PRPF38A: variants seen among roughly 807,000 people sequenced by gnomAD.
PRPF38A encodes pre-mRNA processing factor 38A.
In PRPF38A, 11 loss-of-function variants were observed where a neutral mutation model predicts 46.8. The ratio of observed to expected loss-of-function variants is 0.24; its 90% CI spans 0.15 to 0.39. The LOEUF (loss-of-function observed/expected upper bound fraction) is 0.39, where lower values mean the gene tolerates loss of function less well. PRPF38A is among the 10% of genes least tolerant of loss of function. The probability of loss-of-function intolerance (pLI) is 1.00; values close to 1 mark genes in which losing one functional copy is unlikely to be tolerated. For missense variants in PRPF38A, 261 were observed against 407.5 expected (o/e 0.64, Z 3.10); for synonymous variants, 124 against 136.2 (o/e 0.91, Z 0.62).
rs1488125651 is a variant in PRPF38A, at chr1:52,420,553, T to C, written c.*3863T>C. On this transcript the variant is annotated 3_prime_UTR_variant, in exon 10 of 10. Transcript: ENST00000257181. Reference sequence around the variant, plus strand: ...AGAAATCTTACAAGACTAGATTCTCTTGTGGGGAAAAAAGTATTTAAATTG... The same window carrying C: ...AGAAATCTTACAAGACTAGATTCTCCTGTGGGGAAAAAAGTATTTAAATTG... The C allele has an allele frequency of 6.6e-6, 1 of 152,096 alleles. No homozygotes were observed. Among genetic ancestry groups the C allele is most frequent in the African/African-American group, 2.4e-5 (1 of 41,342 alleles). 9.4% of individuals were successfully genotyped at this position (152,096 alleles called of 1,614,324 possible). A position where few individuals can be genotyped will look rare whatever the true frequency, so the allele number is the denominator to read the frequency against.
rs1365268899 is a variant in PRPF38A at position 52,420,418 on chromosome 1, G to C, written c.*3728G>C. On this transcript the variant is annotated 3_prime_UTR_variant, in exon 10 of 10. Transcript: ENST00000257181. Reference sequence around the variant, plus strand: ...TAGAAATAACAAGTAGAGTGTGCTGGTTTCATCTTTCATAGCAGGAATCAC... The same window carrying C: ...TAGAAATAACAAGTAGAGTGTGCTGCTTTCATCTTTCATAGCAGGAATCAC... 1 of 152,006 alleles carries C rather than the reference G, an allele frequency of 6.6e-6. No homozygotes were observed. The allele number at this position is 152,006 out of a possible 1,614,324, so 9.4% of individuals were successfully genotyped here. A position where few individuals can be genotyped will look rare whatever the true frequency, so the allele number is the denominator to read the frequency against.
At chr1:52,414,473 T>C in intron 6 of PRPF38A, 148 bp from the exon 7 acceptor site, 1 of 765,504 alleles carries the variant, frequency 1.3e-6, no homozygotes, top group Non-Finnish European at 2.2e-6. Context: ...AAAGTTAGAA[T>C]GGGAGGGTGC....
intron 3 of PRPF38A, 120 bp downstream of exon 3, chr1:52,408,810 G>T: frequency 7.9e-7 from 1 of 1,265,506 alleles, no homozygotes; most frequent in Non-Finnish European, 1.1e-6. Context: ...CATTGTTACT[G>T]TCTCTATGCA....
intron 5 of PRPF38A, 106 bp from the exon 6 acceptor site, chr1:52,413,773 A>T: frequency 1.4e-6 from 1 of 717,862 alleles, no homozygotes; most frequent in South Asian, 1.7e-5. Flanking sequence ...TTAAAGTCAC[A>T]TGGAGATGGA....
Position 52,408,668 on chromosome 1 carries a change from C to G in PRPF38A, c.390C>G (p.Ile130Met). The change falls in exon 3 of 10, where the codon ATC becomes ATG. Residue 130 changes from isoleucine to methionine, a missense_variant. By Grantham distance (10) the Ile-to-Met change is conservative. Around this residue, in one of 2 missense-constraint regions of PRPF38A, gnomAD observed 81 missense variants for 186.5 expected, o/e 0.43. Coordinates refer to ENST00000257181, the MANE Select transcript of PRPF38A (RefSeq NM_032864.4). ...LEPLYNDYRK[I>M]KSQNRNGEFE... ...CTTTGTACAATGACTATCGAAAAAT[C>G]AAGAGCCAGAACCGAAATGGGGGTA... is the stretch of plus-strand genomic sequence containing the variant. 6.2e-7 allele frequency: 1 copy of G among 1,614,160 alleles called. No homozygotes were observed.
Position 52,412,553 on chromosome 1 carries a change from C to G in PRPF38A, c.538C>G (p.Arg180Gly). The change falls in exon 5 of 10, where the codon CGA becomes GGA. Residue 180 changes from arginine (R) to glycine (G), a missense_variant. Coordinates refer to ENST00000257181, the MANE Select transcript of PRPF38A (RefSeq NM_032864.4). ...VLEEAEQLEP[R>G]VSALEEDMDD... is the part of the protein sequence containing the mutation. ...AGAGGAAGCTGAGCAACTGGAGCCTCGAGTTAGTGCTCTGGAAGAGGACAT... is the reference window on the plus strand; with the variant it reads ...AGAGGAAGCTGAGCAACTGGAGCCTGGAGTTAGTGCTCTGGAAGAGGACAT... 1 of 1,613,596 alleles carries G rather than the reference C, an allele frequency of 6.2e-7. No homozygotes were observed. The highest frequency in any genetic ancestry group is 1.1e-5 in the South Asian group (1 of 91,066).
rs1320587884 is a variant in PRPF38A, at chr1:52,420,728, A to G, written c.*4038A>G. On this transcript the variant is annotated 3_prime_UTR_variant, in exon 10 of 10. Transcript: ENST00000257181. Reference sequence around the variant, plus strand: ...TTGGAATGAATGAAGTTCACCAGATAGTACTTCTTTCTGGCTGATGAACTT... The same window carrying G: ...TTGGAATGAATGAAGTTCACCAGATGGTACTTCTTTCTGGCTGATGAACTT... 6.6e-6 allele frequency: 1 copy of G among 152,226 alleles called. No homozygotes were observed. Among genetic ancestry groups the G allele is most frequent in the African/African-American group, 2.4e-5 (1 of 41,472 alleles). 9.4% of individuals were successfully genotyped at this position (152,226 alleles called of 1,614,324 possible).
rs1648368229 is a variant in PRPF38A, at chr1:52,418,984, T to TA, written c.*2298dup. The TA allele has an allele frequency of 6.6e-6, 1 of 152,188 alleles. No homozygotes were observed. The highest frequency in any genetic ancestry group is 2.4e-5 in the African/African-American group (1 of 41,452). 9.4% of individuals were successfully genotyped at this position (152,188 alleles called of 1,614,324 possible). On this transcript the variant is annotated 3_prime_UTR_variant, in exon 10 of 10. Transcript: ENST00000257181. ...TCCAATAATTTGAAATACACTGACT[T>TA]AAAAGCTTTGCCATAGGGCACAATC... is the stretch of plus-strand genomic sequence containing the variant.
chr1:52,415,037 G>T (rs188464255), intron 8 of PRPF38A, among the ~76,000 whole-genome samples, 178 bp downstream of exon 8: 3 of 152,276 alleles, frequency 2.0e-5, no homozygotes, highest in African/African-American at 7.2e-5. Context: ...TGCTGATAAG[G>T]TTTGCTTTAG....
intron 3 of PRPF38A, 191 bp downstream of exon 3, chr1:52,408,881 C>A (rs1002917414): frequency 1.8e-6 from 1 of 550,418 alleles, no homozygotes; most frequent in South Asian, 2.6e-5. Context: ...GTTGGCCTTA[C>A]CCAGCCTGCC....
chr1:52,419,000 G>A lies in PRPF38A; in HGVS notation c.*2310G>A, dbSNP rs1158873521. 1 of 152,216 alleles carries A rather than the reference G, an allele frequency of 6.6e-6. No individual in the cohort carries two copies. The highest frequency in any genetic ancestry group is 1.5e-5 in the Non-Finnish European group (1 of 68,034). 9.4% of individuals were successfully genotyped at this position (152,216 alleles called of 1,614,324 possible). A position where few individuals can be genotyped will look rare whatever the true frequency, so the allele number is the denominator to read the frequency against. ...ACACTGACTTAAAAGCTTTGCCATA[G>A]GGCACAATCGCCTTTTAATACTAAG... On this transcript the variant is annotated 3_prime_UTR_variant, in exon 10 of 10. Coordinates refer to ENST00000257181, the MANE Select transcript of PRPF38A (RefSeq NM_032864.4).
At position 52,414,826 on chromosome 1, in the gene PRPF38A, G is replaced by A. The variant is rs781288984; in HGVS notation, c.814G>A (p.Asp272Asn). Residue 272 changes from aspartate to asparagine, a missense_variant, in exon 8 of 10, where the codon GAT becomes AAT. This residue lies in a region of PRPF38A where 180 missense variants were observed against 221.0 expected (regional missense o/e 0.81). Coordinates refer to ENST00000257181, the MANE Select transcript of PRPF38A (RefSeq NM_032864.4). The part of the protein sequence containing the change: ...SPRRHRSRSR[D>N]RRHRSRSKSP... ...AAGACGTCACCGCAGCAGGTCCCGA[G>A]ATCGGCGGCACAGATCCCGTTCCAA... The A allele has an allele frequency of 6.2e-7, 1 of 1,614,084 alleles. No individual in the cohort carries two copies. The highest frequency in any genetic ancestry group is 1.3e-5 in the African/African-American group (1 of 74,934).
At chr1:52,406,401 G>T (rs1168675032) in intron 2 of PRPF38A, among the ~76,000 whole-genome samples, 1 of 152,144 alleles carries the variant, frequency 6.6e-6, no homozygotes, top group Admixed American at 6.5e-5. Context: ...TACATATTAA[G>T]CAAAAGTGAG....
At chr1:52,405,022 C>A in intron 1 of PRPF38A, 143 bp downstream of exon 1, 1 of 851,744 alleles carries the variant, frequency 1.2e-6, no homozygotes, top group Non-Finnish European at 1.9e-6. Flanking sequence ...TGAGTGCCTG[C>A]TAAGTGCCTC....
chr1:52,413,772 C>A, intron 5 of PRPF38A, 107 bp from the exon 6 acceptor site: 1 of 714,958 alleles, frequency 1.4e-6, no homozygotes, highest in East Asian at 2.6e-5. Flanking sequence ...TTTAAAGTCA[C>A]ATGGAGATGG....
At chr1:52,406,441 T>TGG (rs1648000254) in intron 2 of PRPF38A, among the ~76,000 whole-genome samples, 1 of 152,214 alleles carries the variant, frequency 6.6e-6, no homozygotes, top group Non-Finnish European at 1.5e-5. Context: ...CACTGGACGC[T>TGG]CAGGGGTGAA....
At position 52,413,874 on chromosome 1, in the gene PRPF38A, T is replaced by C; in HGVS notation, c.610-5T>C. The C allele has an allele frequency of 6.3e-7, 1 of 1,598,964 alleles. No individual in the cohort carries two copies. Among genetic ancestry groups the C allele is most frequent in the Non-Finnish European group, 8.6e-7 (1 of 1,166,372 alleles). On this transcript the variant is annotated splice_region_variant and splice_polypyrimidine_tract_variant and intron_variant, in intron 5 of 9. Coordinates refer to ENST00000257181, the MANE Select transcript of PRPF38A (RefSeq NM_032864.4). ...CTTTCAATGACCCAATCATCTTGTT[T>C]CCAGTTGGAAAGAGTGCCATCACCT... is the stretch of plus-strand genomic sequence containing the variant.
chr1:52,413,830 G>A, intron 5 of PRPF38A, 49 bp from the exon 6 acceptor site: 1 of 1,212,168 alleles, frequency 8.2e-7, no homozygotes, highest in Non-Finnish European at 1.2e-6. Context: ...TTCCTAGATG[G>A]CTCTTTATAA....
chr1:52,407,547 A>G (rs1026017873), intron 2 of PRPF38A, among the ~76,000 whole-genome samples: 1 of 152,232 alleles, frequency 6.6e-6, no homozygotes, highest in Non-Finnish European at 1.5e-5. Context: ...CAGATGACTT[A>G]CTTTTTTCCA....
Sources: allele counts gnomAD v4.1 joint callset (sites outside exome capture counted in the v4.1 genomes callset), GRCh38; gene constraint gnomAD v4.1.1; regional missense constraint gnomAD v4.1.1; transcripts MANE v1.5; gene names NCBI Gene and HGNC (gene_info 2026-07-23, HGNC 2026-07-21).